CD109: variants seen among roughly 807,000 people sequenced by gnomAD.
The protein encoded by CD109 is CD109 molecule.
CD109 carries 149 observed loss-of-function variants against 165.8 expected under a neutral mutation model. That is an observed-to-expected ratio of 0.90 (90% CI 0.79 to 1.03). CD109 has a LOEUF of 1.03. CD109 is among the 50% of genes least tolerant of loss of function. CD109 has a pLI of 0.00. For missense variants in CD109, 1,712 were observed against 1,677.8 expected (o/e 1.02, Z -0.36); for synonymous variants, 585 against 592.1 (o/e 0.99, Z 0.18).
the CD109 span, among the ~76,000 whole-genome samples, chr6:73,684,657 T>A: frequency 6.6e-6 from 1 of 152,118 alleles, no homozygotes; most frequent in African/African-American, 2.4e-5. Context: ...ATATGTCTTC[T>A]TTTGAGAAAT....
At chr6:73,685,268 T>C in the CD109 span, among the ~76,000 whole-genome samples, 1 of 152,164 alleles carries the variant, frequency 6.6e-6, no homozygotes, top group Non-Finnish European at 1.5e-5. Context: ...TTATATATTC[T>C]GGATATAAGC....
At chr6:73,726,375 C>T (rs1450557905) in intron 3 of CD109, among the ~76,000 whole-genome samples, 2 of 152,036 alleles carry the variant, frequency 1.3e-5, no homozygotes, top group Non-Finnish European at 2.9e-5. Context: ...TTCTTTTGTT[C>T]TCTTTGTCAA....
chr6:73,726,366 T>G (rs1390385603), intron 3 of CD109, among the ~76,000 whole-genome samples: 4 of 152,166 alleles, frequency 2.6e-5, no homozygotes, highest in African/African-American at 9.7e-5. Flanking sequence ...CAGAAAAACT[T>G]CTTTTGTTCT....
chr6:73,817,394 A>T (rs1775977851), intron 30 of CD109, among the ~76,000 whole-genome samples: 1 of 152,080 alleles, frequency 6.6e-6, no homozygotes, highest in African/African-American at 2.4e-5. Context: ...TCTCAATAAC[A>T]TCTATTTTGG....
rs982868022 is a variant in CD109 at position 73,823,729 on chromosome 6, AAG to A, written c.*99_*100del. ...AAGAATACTGCTTCTATTTTGAAAA[AAG>A]AGTTTTTTTTCTTTCTATGGGGTTG... On this transcript the variant is annotated 3_prime_UTR_variant, in exon 33 of 33. Transcript: ENST00000287097. The A allele has an allele frequency of 9.6e-6, 12 of 1,246,016 alleles. No homozygotes were observed. Among genetic ancestry groups the A allele is most frequent in the Non-Finnish European group, 1.3e-5 (12 of 899,834 alleles). The allele number at this position is 1,246,016 out of a possible 1,614,324, so 77.2% of individuals were successfully genotyped here. A position where few individuals can be genotyped will look rare whatever the true frequency, so the allele number is the denominator to read the frequency against.
Position 73,823,499 on chromosome 6 carries a change from T to C in CD109, c.4204T>C (p.Ser1402Pro). 2 of 1,613,562 alleles carry C rather than the reference T, an allele frequency of 1.2e-6. No individual in the cohort carries two copies. Among genetic ancestry groups the C allele is most frequent in the Non-Finnish European group, 1.7e-6 (2 of 1,179,596 alleles). The change falls in exon 33 of 33, where the codon TCC (serine) becomes CCC (proline). Residue 1402 changes from serine (S) to proline (P), a missense_variant. Coordinates refer to ENST00000287097, the MANE Select transcript of CD109 (RefSeq NM_133493.5). Reference sequence around the variant, plus strand: ...AAGTTACAACTCTGAAGTGAAGCTGTCCTCCTGTGACCTTTGCAGTGATGT... The same window carrying C: ...AAGTTACAACTCTGAAGTGAAGCTGCCCTCCTGTGACCTTTGCAGTGATGT... ...VRSYNSEVKL[S>P]SCDLCSDVQG... is the part of the protein sequence containing the mutation.
chr6:73,822,276 C>T (rs1327769883), intron 32 of CD109, among the ~76,000 whole-genome samples: 1 of 152,176 alleles, frequency 6.6e-6, no homozygotes, highest in Non-Finnish European at 1.5e-5. Flanking sequence ...GGCTCAGAAT[C>T]ATCACAATGC....
At chr6:73,690,589 C>T in the CD109 span, among the ~76,000 whole-genome samples, 35 of 152,222 alleles carry the variant, frequency 2.3e-4, no homozygotes, top group South Asian at 7.3e-3. Flanking sequence ...TTAGTAGATA[C>T]GGGGTTTCTC....
intron 4 of CD109, among the ~76,000 whole-genome samples, chr6:73,732,971 A>G (rs950787194): frequency 6.6e-6 from 1 of 152,048 alleles, no homozygotes; most frequent in Admixed American, 6.6e-5. Flanking sequence ...AGTGTTTTGG[A>G]ACTATGAGTG....
At chr6:73,686,959 T>C in the CD109 span, among the ~76,000 whole-genome samples, 1 of 152,260 alleles carries the variant, frequency 6.6e-6, no homozygotes, top group Non-Finnish European at 1.5e-5. Context: ...CCCAAAGTGT[T>C]GGGATTATAG....
chr6:73,761,015 AC>A (rs1232760488), intron 7 of CD109, among the ~76,000 whole-genome samples: 61 of 528 alleles, frequency 0.12, no homozygotes, highest in East Asian at 0.25. Flanking sequence ...CTGTGTCTAA[AC>A]ACACACACAC....
the CD109 span, among the ~76,000 whole-genome samples, chr6:73,682,160 A>G: frequency 7.2e-5 from 11 of 152,152 alleles, no homozygotes; most frequent in Non-Finnish European, 1.6e-4. Flanking sequence ...CTTCAGCATT[A>G]ACTCAAAAGT....
intron 22 of CD109, among the ~76,000 whole-genome samples, chr6:73,790,164 G>A (rs1196812189): frequency 3.5e-5 from 5 of 143,706 alleles, no homozygotes; most frequent in Non-Finnish European, 7.5e-5. Context: ...GTGTGATCTC[G>A]GTTTACTGCA....
chr6:73,713,677 A>G (rs1263709121), intron 2 of CD109, among the ~76,000 whole-genome samples: 2 of 152,198 alleles, frequency 1.3e-5, no homozygotes, highest in Non-Finnish European at 2.9e-5. Flanking sequence ...CTCTGGTGAG[A>G]GAATTCCTCA....
chr6:73,702,041 A>G (rs997491510), intron 2 of CD109, among the ~76,000 whole-genome samples: 2 of 152,120 alleles, frequency 1.3e-5, no homozygotes, highest in African/African-American at 4.8e-5. Flanking sequence ...TGGGGGCACC[A>G]TTTTTTAAAT....
intron 3 of CD109, among the ~76,000 whole-genome samples, chr6:73,726,943 T>G (rs1377206346): frequency 6.6e-6 from 1 of 152,160 alleles, no homozygotes; most frequent in Admixed American, 6.5e-5. Flanking sequence ...AATAATTGAC[T>G]CCTGTTTAAG....
intron 25 of CD109, among the ~76,000 whole-genome samples, 179 bp downstream of exon 25, chr6:73,807,251 CATT>C (rs1775601009): frequency 6.6e-6 from 1 of 152,138 alleles, no homozygotes; most frequent in African/African-American, 2.4e-5. Flanking sequence ...GAGAATAAAA[CATT>C]AACCCACTCT....
intron 26 of CD109, among the ~76,000 whole-genome samples, chr6:73,809,333 C>T (rs1306993325): frequency 6.6e-6 from 1 of 152,034 alleles, no homozygotes. Context: ...GGCAGATTCC[C>T]AGAATAGGAT....
Position 73,696,288 on chromosome 6 carries a change from G to A in CD109, c.73G>A (p.Gly25Arg), listed in dbSNP as rs1211329146. The change falls in exon 1 of 33, where the codon GGG (glycine) becomes AGG (arginine). Residue 25 changes from glycine to arginine, a missense_variant and splice_region_variant. Physicochemically the swap from Gly to Arg is moderately radical, Grantham distance 125. Coordinates refer to ENST00000287097, the MANE Select transcript of CD109 (RefSeq NM_133493.5). Reference protein sequence around the residue: ...VCTAALAVAPGPRFLVTAPGI... With the variant: ...VCTAALAVAPRPRFLVTAPGI... ...CACCGCCGCGCTGGCCGTGGCTCCC[G>A]GGTAGGAACGTGGGCGCGCGGGGGG... 3 of 1,519,190 alleles carry A rather than the reference G, an allele frequency of 2.0e-6. No homozygotes were observed. Among genetic ancestry groups the A allele is most frequent in the East Asian group, 2.6e-5 (1 of 38,320 alleles). The allele number at this position is 1,519,190 out of a possible 1,614,324, so 94.1% of individuals were successfully genotyped here. A position where few individuals can be genotyped will look rare whatever the true frequency, so the allele number is the denominator to read the frequency against.
Sources: allele counts gnomAD v4.1 joint callset (sites outside exome capture counted in the v4.1 genomes callset), GRCh38; gene constraint gnomAD v4.1.1; transcripts MANE v1.5; gene names NCBI Gene and HGNC (gene_info 2026-07-23, HGNC 2026-07-21).